LEMD1: variants seen among roughly 807,000 people sequenced by gnomAD.
LEMD1 encodes the protein LEM domain-containing protein 1.
In LEMD1, 18 loss-of-function variants were observed where a neutral mutation model predicts 17.4. The observed-to-expected ratio is 1.04, with a 90% CI of 0.72 to 1.54. The LOEUF (loss-of-function observed/expected upper bound fraction) is 1.54, where lower values mean the gene tolerates loss of function less well. Among genes scored for constraint, LEMD1 ranks in the 40% most tolerant of loss-of-function variants. The pLI, the probability that LEMD1 is intolerant of heterozygous loss-of-function variation, is 0.00. For missense variants in LEMD1, 195 were observed against 210.4 expected, an observed-to-expected ratio of 0.93 and a Z score of 0.45; for synonymous variants, 88 against 77.8, an observed-to-expected ratio of 1.13 and a Z score of -0.69.
At chr1:205,447,973 G>A (rs550248021) in intron 1 of LEMD1, among the ~76,000 whole-genome samples, 14 of 152,308 alleles carry the variant, frequency 9.2e-5, no homozygotes, top group African/African-American at 3.4e-4. Context: ...TGAGGCCCTT[G>A]ACTTCAGCCC....
At chr1:205,429,564 GATTT>G (rs1203566324) in intron 1 of LEMD1, among the ~76,000 whole-genome samples, 1 of 152,134 alleles carries the variant, frequency 6.6e-6, no homozygotes, top group African/African-American at 2.4e-5. Flanking sequence ...ATGGGGGACA[GATTT>G]ATTAGAAGAG....
chr1:205,402,234 G>A (rs1242573074), intron 4 of LEMD1, among the ~76,000 whole-genome samples: 1 of 152,114 alleles, frequency 6.6e-6, no homozygotes, highest in African/African-American at 2.4e-5. Context: ...TTCCAATTCT[G>A]TGAAGAAAGT....
intron 1 of LEMD1, among the ~76,000 whole-genome samples, chr1:205,440,004 T>G (rs1201868390): frequency 6.6e-6 from 1 of 150,394 alleles, no homozygotes; most frequent in Non-Finnish European, 1.5e-5. Context: ...GTCCTAGAGG[T>G]CCCCCCACCC....
In LEMD1 at chr1:205,381,421, G is replaced by A. The variant is rs1663685901; in HGVS notation, c.*237C>T. On this transcript the variant is annotated 3_prime_UTR_variant, in exon 6 of 6. Transcript: ENST00000367153. The stretch of plus-strand genomic sequence containing the variant: ...GCTCAAATATGGAAGCACCTTTAAT[G>A]AGAGTTGACATGACTTGGGGGATTT... 3 of 551,316 alleles carry A rather than the reference G, an allele frequency of 5.4e-6. No individual in the cohort carries two copies. The highest frequency in any genetic ancestry group is 3.1e-5 in the Admixed American group (1 of 32,186). 34.2% of individuals were successfully genotyped at this position (551,316 alleles called of 1,614,324 possible). A position where few individuals can be genotyped will look rare whatever the true frequency, so the allele number is the denominator to read the frequency against.
chr1:205,437,760 T>G (rs1666232387), intron 1 of LEMD1: 1 of 152,166 alleles, frequency 6.6e-6, no homozygotes. Context: ...CTATTTATAG[T>G]TGAGGAACCT....
chr1:205,446,824 C>T (rs530072057), intron 1 of LEMD1, among the ~76,000 whole-genome samples: 1 of 152,316 alleles, frequency 6.6e-6, no homozygotes, highest in African/African-American at 2.4e-5. Flanking sequence ...TGCCTTGTTC[C>T]TTTCACCATC....
chr1:205,426,657 G>A (rs1046162712), upstream of LEMD1, among the ~76,000 whole-genome samples: 2 of 152,200 alleles, frequency 1.3e-5, no homozygotes, highest in African/African-American at 2.4e-5. Context: ...TGGCTTCAGC[G>A]AAGGATGTGC....
intron 4 of LEMD1, among the ~76,000 whole-genome samples, chr1:205,396,784 T>C (rs1194596832): frequency 6.6e-6 from 1 of 152,102 alleles, no homozygotes; most frequent in Non-Finnish European, 1.5e-5. Context: ...GAAGGATAAG[T>C]AGAAAATTCA....
chr1:205,381,663 C>T lies in LEMD1; in HGVS notation c.541G>A (p.Gly181Ser). Residue 181 changes from glycine (G) to serine (S), a missense_variant, in exon 6 of 6, where the codon GGT becomes AGT. Physicochemically the swap from Gly to Ser is moderately conservative, Grantham distance 56. Coordinates refer to ENST00000367153, the MANE Select transcript of LEMD1 (RefSeq NM_001199050.2). ...YLTVENKSLF[G>S] ...TTGCTTTGCTCCTAAATTACTTAAC[C>T]AAACAGCGACTTATTTTCCACAGTC... 6.2e-7 allele frequency: 1 copy of T among 1,614,166 alleles called. No individual in the cohort carries two copies. Among genetic ancestry groups the T allele is most frequent in the South Asian group, 1.1e-5 (1 of 91,072 alleles).
At chr1:205,416,466 C>G (rs1665700178) in intron 3 of LEMD1, among the ~76,000 whole-genome samples, 170 bp from the exon 4 acceptor site, 1 of 152,160 alleles carries the variant, frequency 6.6e-6, no homozygotes, top group East Asian at 1.9e-4. Flanking sequence ...TGAGCTGGAG[C>G]AGCCTTTGTG....
chr1:205,401,055 C>T (rs1664826143), intron 4 of LEMD1, among the ~76,000 whole-genome samples: 4 of 151,540 alleles, frequency 2.6e-5, no homozygotes, highest in Admixed American at 2.6e-4. Context: ...CATAGTATTC[C>T]ATGGTGTATA....
chr1:205,427,215 C>A (rs1347171977), intron 1 of LEMD1, among the ~76,000 whole-genome samples: 1 of 151,862 alleles, frequency 6.6e-6, no homozygotes, highest in Non-Finnish European at 1.5e-5. Context: ...TGAGTTAACA[C>A]ATCTCAGGAG....
chr1:205,417,135 G>A (rs1185690651), intron 3 of LEMD1, among the ~76,000 whole-genome samples: 1 of 152,216 alleles, frequency 6.6e-6, no homozygotes, highest in Non-Finnish European at 1.5e-5. Context: ...AAATTCAAAT[G>A]TATGGTTCAA....
chr1:205,442,710 A>C (rs1294504580), intron 1 of LEMD1, among the ~76,000 whole-genome samples: 2 of 152,186 alleles, frequency 1.3e-5, no homozygotes, highest in Admixed American at 1.3e-4. Context: ...CATCATTTAC[A>C]CACCCACTCT....
intron 1 of LEMD1, among the ~76,000 whole-genome samples, chr1:205,442,594 T>C (rs1383902642): frequency 6.6e-6 from 1 of 152,148 alleles, no homozygotes; most frequent in African/African-American, 2.4e-5. Flanking sequence ...CTAATAGCTG[T>C]AATTAATAGG....
At chr1:205,417,404 T>C (rs555686417) in intron 3 of LEMD1, among the ~76,000 whole-genome samples, 1 of 152,314 alleles carries the variant, frequency 6.6e-6, no homozygotes, top group African/African-American at 2.4e-5. Context: ...CTTGGTTTTG[T>C]AGCTTTAACC....
chr1:205,398,765 G>A (rs1401553026), intron 4 of LEMD1, among the ~76,000 whole-genome samples: 1 of 152,192 alleles, frequency 6.6e-6, no homozygotes, highest in Non-Finnish European at 1.5e-5. Flanking sequence ...TGTGCCCTGG[G>A]GCAAGGAAGA....
At chr1:205,403,990 G>A (rs1664973279) in intron 4 of LEMD1, among the ~76,000 whole-genome samples, 1 of 152,290 alleles carries the variant, frequency 6.6e-6, no homozygotes, top group East Asian at 1.9e-4. Context: ...AGGTTGTTCA[G>A]TTTCCATGTA....
intron 4 of LEMD1, among the ~76,000 whole-genome samples, chr1:205,389,148 A>C (rs926913277): frequency 7.0e-6 from 1 of 143,554 alleles, no homozygotes; most frequent in South Asian, 2.2e-4. Context: ...TCCCGGGTTC[A>C]AGCAATTCTC....
Sources: gnomAD v4.1 joint callset for allele counts (sites outside exome capture counted in the v4.1 genomes callset) on GRCh38, gnomAD v4.1.1 for gene constraint, MANE v1.5 for transcripts, NCBI Gene and HGNC (gene_info 2026-07-23, HGNC 2026-07-21) for gene names.